The following TEX9 variants were observed in gnomAD, a reference collection of about 807,000 sequenced individuals.
TEX9 encodes the protein testis expressed 9.
A neutral mutation model predicts 59.6 loss-of-function variants in TEX9; 74 were observed. That is an observed-to-expected ratio of 1.24 (90% CI 1.03 to 1.51). TEX9 has a LOEUF of 1.51. Ranked by LOEUF, TEX9 falls within the 40% of genes most tolerant of loss-of-function variation. The pLI, the probability that TEX9 is intolerant of heterozygous loss-of-function variation, is 0.00. For synonymous variants in TEX9, 186 were observed against 152.2 expected (o/e 1.22, Z -1.64); for missense variants, 522 against 447.8 (o/e 1.17, Z -1.49).
intron 10 of TEX9, among the ~76,000 whole-genome samples, chr15:56,417,186 T>A (rs1350434548): frequency 6.6e-6 from 1 of 151,934 alleles, no homozygotes; most frequent in Non-Finnish European, 1.5e-5. Context: ...GTTTTTCATG[T>A]CTTGATTTCC....
intron 1 of TEX9, among the ~76,000 whole-genome samples, chr15:56,268,137 G>T (rs1366178906): frequency 1.3e-5 from 2 of 152,142 alleles, no homozygotes; most frequent in Non-Finnish European, 2.9e-5. Flanking sequence ...TCTGTTATTG[G>T]TGTATAGGAA....
At chr15:56,416,769 T>C (rs1159244591) in intron 10 of TEX9, among the ~76,000 whole-genome samples, 1 of 151,882 alleles carries the variant, frequency 6.6e-6, no homozygotes, top group East Asian at 1.9e-4. Context: ...TGGAATAGTT[T>C]CTGTAAGAAT....
intron 2 of TEX9, among the ~76,000 whole-genome samples, chr15:56,370,298 AC>A (rs2047138071): frequency 6.6e-6 from 1 of 152,138 alleles, no homozygotes; most frequent in Non-Finnish European, 1.5e-5. Context: ...TGTTTTGAAT[AC>A]ACCCACACCC....
At chr15:56,339,397 A>AAAAAAAAAAAAAAAAC (rs2046325674) in intron 1 of TEX9, among the ~76,000 whole-genome samples, 1 of 61,024 alleles carries the variant, frequency 1.6e-5, no homozygotes, top group Admixed American at 1.8e-4. Context: ...AAAAAAAAAA[A>AAAAAAAAAAAAAAAAC]AAAAAAAAAA....
At position 56,256,876 on chromosome 15, in the gene TEX9, A is replaced by C. The variant is rs368063279; in HGVS notation, c.-107+12598A>C. Among the ~76,000 whole-genome samples, 3 of 152,150 alleles carry C rather than the reference A, an allele frequency of 2.0e-5. 1 individual carries two copies. The highest frequency in any genetic ancestry group is 6.5e-5 in the Admixed American group (1 of 15,268). ...GGGGGTTTGTTGTACAGATTATTTC[A>C]TCACCAAGGTATGAAGCCTAGTAGT... On this transcript the variant is annotated intron_variant, in intron 1 of 5. Coordinates refer to the TEX9 transcript ENST00000560827.
At chr15:56,379,940 T>A (rs949688207) in intron 3 of TEX9, among the ~76,000 whole-genome samples, 13 of 152,080 alleles carry the variant, frequency 8.5e-5, no homozygotes, top group African/African-American at 3.1e-4. Context: ...TAAAGTATGT[T>A]TCTTGTAAGC....
chr15:56,446,699 T>C (rs1459625659), downstream of TEX9: 1 of 612,730 alleles, frequency 1.6e-6, no homozygotes, highest in Non-Finnish European at 2.8e-6. Flanking sequence ...ATTTTCTACA[T>C]CTTAAGGATC....
At chr15:56,376,048 A>C (rs1398868290) in intron 3 of TEX9, among the ~76,000 whole-genome samples, 2 of 140,584 alleles carry the variant, frequency 1.4e-5, no homozygotes, top group African/African-American at 5.3e-5. Context: ...AGGAAGGGGA[A>C]CATCACACAC....
chr15:56,247,875 C>A (rs1183021440), intron 1 of TEX9, among the ~76,000 whole-genome samples: 4 of 152,322 alleles, frequency 2.6e-5, no homozygotes, highest in Admixed American at 1.3e-4. Context: ...TTCCCCTGAT[C>A]ATTACTTCCT....
At chr15:56,270,077 A>G (rs1017617528) in intron 1 of TEX9, among the ~76,000 whole-genome samples, 4 of 152,162 alleles carry the variant, frequency 2.6e-5, no homozygotes, top group African/African-American at 7.2e-5. Flanking sequence ...TATGTGGTCA[A>G]TTTTGGGATA....
chr15:56,412,577 C>A, intron 10 of TEX9, 141 bp downstream of exon 10: 1 of 920,036 alleles, frequency 1.1e-6, no homozygotes, highest in Non-Finnish European at 1.6e-6. Context: ...TATTCATTAG[C>A]AGTATACACA....
chr15:56,333,489 A>C (rs1208138547), intron 1 of TEX9, among the ~76,000 whole-genome samples: 3 of 150,600 alleles, frequency 2.0e-5, no homozygotes, highest in African/African-American at 7.3e-5. Flanking sequence ...AAAAAAAAAA[A>C]CCCTCAAAAA....
chr15:56,336,043 C>T (rs2046249997), intron 1 of TEX9, among the ~76,000 whole-genome samples: 2 of 152,264 alleles, frequency 1.3e-5, no homozygotes, highest in South Asian at 2.1e-4. Context: ...TGCATAAAGT[C>T]CAGTTCAGTA....
intron 1 of TEX9, among the ~76,000 whole-genome samples, chr15:56,358,967 A>G (rs894380960): frequency 3.9e-5 from 6 of 152,162 alleles, no homozygotes; most frequent in African/African-American, 7.2e-5. Flanking sequence ...CTCCCCAGCC[A>G]TGCAGAACTT....
intron 9 of TEX9, among the ~76,000 whole-genome samples, chr15:56,401,715 G>T (rs1157561515): frequency 6.6e-6 from 1 of 152,068 alleles, no homozygotes; most frequent in Non-Finnish European, 1.5e-5. Flanking sequence ...TTCTAAAATT[G>T]ACCACAAAAT....
At chr15:56,325,588 A>G (rs2046003717) in intron 1 of TEX9, among the ~76,000 whole-genome samples, 1 of 152,190 alleles carries the variant, frequency 6.6e-6, no homozygotes, top group Non-Finnish European at 1.5e-5. Flanking sequence ...AGTATTACAC[A>G]TTGGCTCTTC....
upstream of TEX9, among the ~76,000 whole-genome samples, chr15:56,361,026 G>T (rs1193912405): frequency 2.0e-5 from 3 of 152,130 alleles, no homozygotes; most frequent in African/African-American, 7.2e-5. Context: ...CCTATTTCTA[G>T]GACCTGTGAG....
intron 12 of TEX9, chr15:56,429,014 T>G: frequency 1.4e-6 from 1 of 696,554 alleles, no homozygotes; most frequent in Non-Finnish European, 2.3e-6. Context: ...AATGGATACC[T>G]AATGCCACTG....
intron 9 of TEX9, chr15:56,396,299 A>T (rs1489850518): frequency 6.6e-6 from 1 of 152,196 alleles, no homozygotes; most frequent in Non-Finnish European, 1.5e-5. Context: ...TAATATCAAA[A>T]TCACTTAGAC....
Sources: gnomAD v4.1 joint callset for allele counts (sites outside exome capture counted in the v4.1 genomes callset) on GRCh38, gnomAD v4.1.1 for gene constraint, MANE v1.5 for transcripts, NCBI Gene and HGNC (gene_info 2026-07-23, HGNC 2026-07-21) for gene names.